CDK10: variants seen among roughly 807,000 people sequenced by gnomAD.
CDK10 encodes cyclin dependent kinase 10, also known as cyclin-dependent kinase 10.
A neutral mutation model predicts 51.0 loss-of-function variants in CDK10; 55 were observed. That is an observed-to-expected ratio of 1.08 (90% CI 0.87 to 1.35). The LOEUF is 1.35. Ranked by LOEUF, CDK10 falls within the 40% of genes most tolerant of loss-of-function variation. The pLI is 0.00. For missense variants in CDK10, 589 were observed against 485.1 expected (o/e 1.21, Z -2.01); for synonymous variants, 255 against 199.1 (o/e 1.28, Z -2.36).
chr16:89,692,898 G>C (rs1353182517), intron 6 of CDK10, among the ~76,000 whole-genome samples: 4 of 152,064 alleles, frequency 2.6e-5, no homozygotes, highest in Non-Finnish European at 5.9e-5. Context: ...AGCACTTTGG[G>C]AGGCCGAGGC....
At chr16:89,689,519 A>G (rs1352789892) in intron 2 of CDK10, 195 bp downstream of exon 2, 2 of 591,648 alleles carry the variant, frequency 3.4e-6, no homozygotes, top group Non-Finnish European at 6.2e-6. Flanking sequence ...GGGTAAACGT[A>G]AGCATCCGGT....
chr16:89,691,618 G>A (rs1038423540), intron 4 of CDK10, 73 bp downstream of exon 4: 37 of 1,356,256 alleles, frequency 2.7e-5, no homozygotes, highest in Non-Finnish European at 3.3e-5. Context: ...TGCACAGAGC[G>A]AGGACTGAGT....
intron 1 of CDK10, 84 bp from the exon 2 acceptor site, chr16:89,689,168 C>A (rs2060331523): frequency 3.9e-6 from 5 of 1,295,358 alleles, no homozygotes; most frequent in African/African-American, 2.9e-5. Context: ...TGAGTGGGCT[C>A]CCTGGTACAA....
intron 6 of CDK10, 97 bp from the exon 7 acceptor site, chr16:89,693,177 G>A (rs1192446472): frequency 2.8e-6 from 3 of 1,054,380 alleles, no homozygotes; most frequent in Non-Finnish European, 4.3e-6. Flanking sequence ...CCAAAGCTGA[G>A]GAAACGTGCA....
chr16:89,689,097 CT>C lies in CDK10; in HGVS notation c.88-154del, dbSNP rs1390394019. Among the ~76,000 whole-genome samples the C allele has an allele frequency of 3.3e-5, 5 of 152,000 alleles. No homozygotes were observed. In the East Asian group the frequency reaches 9.7e-4, roughly 29 times the overall value. The stretch of plus-strand genomic sequence containing the variant: ...CCTGGGCAACAGAGCGAGACTCAGT[CT>C]CAAAAAAAGAAAAAAAAAGCCCAAA... On this transcript the variant is annotated intron_variant, in intron 1 of 12. Transcript: ENST00000353379.
At chr16:89,688,588 C>G (rs2060305635) in intron 1 of CDK10, among the ~76,000 whole-genome samples, 1 of 152,118 alleles carries the variant, frequency 6.6e-6, no homozygotes, top group Non-Finnish European at 1.5e-5. Flanking sequence ...TTCCTTTCAC[C>G]TGGAAGTCAC....
chr16:89,693,949 C>G, intron 8 of CDK10: 1 of 609,022 alleles, frequency 1.6e-6, no homozygotes, highest in Non-Finnish European at 2.9e-6. Context: ...TGCCGAGGGT[C>G]CGTGGTCCCT....
intron 2 of CDK10, 183 bp from the exon 3 acceptor site, chr16:89,690,370 C>T: frequency 1.6e-6 from 1 of 615,626 alleles, no homozygotes; most frequent in Non-Finnish European, 2.9e-6. Flanking sequence ...TGAGGAAACC[C>T]TCCGGGGGAA....
intron 1 of CDK10, among the ~76,000 whole-genome samples, chr16:89,689,007 G>A (rs1387215262): frequency 2.6e-5 from 4 of 152,282 alleles, no homozygotes; most frequent in East Asian, 1.9e-4. Context: ...GGCTGAGGCC[G>A]GAGAATCACT....
At position 89,690,448 on chromosome 16, in the gene CDK10, G is replaced by T. The variant is rs568684752; in HGVS notation, c.161-105G>T. ...GTCACTGGGCATGAGGTTGTCAGAG[G>T]AAAGAACGGGGACCCCTGTGGCTCA... On this transcript the variant is annotated intron_variant, in intron 2 of 12. Coordinates refer to ENST00000353379, the MANE Select transcript of CDK10 (RefSeq NM_052988.5). 31 of 911,900 alleles carry T rather than the reference G, an allele frequency of 3.4e-5. No individual in the cohort carries two copies. The East Asian group carries it at 6.8e-4, about 20-fold the overall frequency. The allele number at this position is 911,900 out of a possible 1,614,324, so 56.5% of individuals were successfully genotyped here.
In CDK10 at chr16:89,686,702, G is replaced by T. The variant is rs529314445; in HGVS notation, c.-9G>T. ...CCTGCGCGCAAGAGAGGCGGGGCCA[G>T]CGCTCGGCATGGCGGAGCCAGATCT... is the stretch of plus-strand genomic sequence containing the variant. On this transcript the variant is annotated 5_prime_UTR_variant, in exon 1 of 13. Transcript: ENST00000353379. 3.2e-6 allele frequency: 5 copies of T among 1,567,284 alleles called. No individual in the cohort carries two copies. In the South Asian group the frequency reaches 5.8e-5, roughly 18 times the overall value.
At position 89,691,542 on chromosome 16, in the gene CDK10, A is replaced by G. The variant is rs1315976004; in HGVS notation, c.332A>G (p.Glu111Gly). The G allele has an allele frequency of 1.2e-6, 2 of 1,612,730 alleles. No homozygotes were observed. The highest frequency in any genetic ancestry group is 3.3e-5 in the Admixed American group (2 of 59,910). Reference sequence around the variant, plus strand: ...GAGGTGGTTGTGGGGAACCACCTGGAGAGGTACGTGGTCTCCTGGTCTGCA... The same window carrying G: ...GAGGTGGTTGTGGGGAACCACCTGGGGAGGTACGTGGTCTCCTGGTCTGCA... ...LKEVVVGNHL[E>G]SIFLVMGYCE... is the part of the protein sequence containing the mutation. Residue 111 changes from glutamate (E) to glycine (G), a missense_variant, in exon 4 of 13, where the codon GAG becomes GGG. Coordinates refer to ENST00000353379, the MANE Select transcript of CDK10 (RefSeq NM_052988.5).
chr16:89,691,812 C>T lies in CDK10; in HGVS notation c.342C>T (p.Phe114=), dbSNP rs1159501552. 6.2e-7 allele frequency: 1 copy of T among 1,613,942 alleles called. No individual in the cohort carries two copies. The highest frequency in any genetic ancestry group is 8.5e-7 in the Non-Finnish European group (1 of 1,179,902). The part of the protein sequence containing the change: ...VVVGNHLESI[F]LVMGYCEQDL... The stretch of plus-strand genomic sequence containing the variant: ...CATCTTCTGTTTCTTCCAGCATCTT[C>T]CTGGTGATGGGTTACTGTGAGCAGG... Residue 114 remains phenylalanine (F), a synonymous_variant, in exon 5 of 13, where the codon TTC becomes TTT. Transcript: ENST00000353379.
intron 2 of CDK10, chr16:89,689,916 T>G (rs1323344399): frequency 6.5e-6 from 1 of 154,044 alleles, no homozygotes; most frequent in Non-Finnish European, 1.4e-5. Flanking sequence ...ACTTCTGGGC[T>G]CAAATGATCC....
chr16:89,692,170 T>A, intron 5 of CDK10: 1 of 558,742 alleles, frequency 1.8e-6, no homozygotes, highest in Non-Finnish European at 3.1e-6. Context: ...ACTGGTTTCC[T>A]GGGCTGCTGG....
At chr16:89,687,467 C>T in intron 1 of CDK10, 1 of 456,184 alleles carries the variant, frequency 2.2e-6, no homozygotes, top group South Asian at 1.5e-5. Context: ...TGGATGACAA[C>T]AGGAGCCACA....
intron 9 of CDK10, 113 bp from the exon 10 acceptor site, chr16:89,694,552 G>T (rs1473429250): frequency 2.0e-6 from 3 of 1,513,374 alleles, no homozygotes; most frequent in Non-Finnish European, 2.7e-6. Context: ...CTGACCCAGC[G>T]TGCCTCACAC....
chr16:89,691,726 C>A, intron 4 of CDK10, 80 bp from the exon 5 acceptor site: 2 of 1,419,498 alleles, frequency 1.4e-6, no homozygotes, highest in Non-Finnish European at 2.0e-6. Flanking sequence ...TGCCCATGTC[C>A]CCTCCTGCAG....
rs757437206 is a variant in CDK10, at chr16:89,689,294, C to T, written c.130C>T (p.Arg44Cys). Residue 44 changes from arginine (R) to cysteine (C), a missense_variant, in exon 2 of 13, where the codon CGC becomes TGC. Transcript: ENST00000353379. ...RSVKEFEKLN[R>C]IGEGTYGIVY... ...TGTGAAGGAGTTTGAGAAGCTGAAC[C>T]GCATTGGAGAGGGTACCTACGGCAT... is the stretch of plus-strand genomic sequence containing the variant. 19 of 1,613,872 alleles carry T rather than the reference C, an allele frequency of 1.2e-5. No homozygotes were observed. Among genetic ancestry groups the T allele is most frequent in the Admixed American group, 1.0e-4 (6 of 59,962 alleles).
Sources: gnomAD v4.1 joint callset for allele counts (sites outside exome capture counted in the v4.1 genomes callset) on GRCh38, gnomAD v4.1.1 for gene constraint, MANE v1.5 for transcripts, NCBI Gene and HGNC (gene_info 2026-07-23, HGNC 2026-07-21) for gene names.